DHRS12: variants seen among roughly 807,000 people sequenced by gnomAD.
DHRS12 encodes dehydrogenase/reductase 12, also known as dehydrogenase/reductase SDR family member 12.
Under a neutral mutation model 32.1 loss-of-function variants are expected in DHRS12, and 29 were observed. The observed-to-expected ratio is 0.90, with a 90% CI of 0.67 to 1.23. The LOEUF is 1.23. DHRS12 is among the 50% of genes most tolerant of loss of function. The probability of loss-of-function intolerance (pLI) is 0.00; values close to 1 mark genes in which losing one functional copy is unlikely to be tolerated. For synonymous variants in DHRS12, 150 were observed against 135.9 expected (o/e 1.10, Z -0.72); for missense variants, 330 against 337.2 (o/e 0.98, Z 0.17).
At chr13:51,762,451 C>A in the DHRS12 span, 4 of 152,246 alleles carry the variant, frequency 2.6e-5, no homozygotes, top group Non-Finnish European at 5.9e-5. Context: ...GTATCCATTG[C>A]TCTTTCCTTT....
chr13:51,762,842 T>A, the DHRS12 span: 1 of 152,244 alleles, frequency 6.6e-6, no homozygotes, highest in Non-Finnish European at 1.5e-5. Flanking sequence ...TACGCAGAGT[T>A]GTTCTCTACC....
At chr13:51,771,286 T>TGA in intron 7 of DHRS12, 1 of 1,557,874 alleles carries the variant, frequency 6.4e-7, no homozygotes, top group East Asian at 2.4e-5. Flanking sequence ...AGAGCCCAGG[T>TGA]GAGCTGCCTG....
At chr13:51,764,942 C>G (rs1404052461), downstream of DHRS12, 1 of 152,196 alleles carries the variant, frequency 6.6e-6, no homozygotes, top group Admixed American at 6.5e-5. Context: ...TGTGGCGTTG[C>G]ACGGACAGGC....
chr13:51,772,906 A>C, intron 6 of DHRS12: 2 of 985,492 alleles, frequency 2.0e-6, no homozygotes, highest in Non-Finnish European at 2.4e-6. Flanking sequence ...AAACTGGGGC[A>C]CACCCAGGGC....
rs953459348 is a variant in DHRS12, at chr13:51,782,049, G to A, written c.302-4928C>T. Among the ~76,000 whole-genome samples the A allele has an allele frequency of 2.0e-5, 3 of 152,128 alleles. No individual in the cohort carries two copies. Among genetic ancestry groups the A allele is most frequent in the African/African-American group, 7.2e-5 (3 of 41,426 alleles). On this transcript the variant is annotated intron_variant, in intron 4 of 8. Coordinates refer to ENST00000444610, the MANE Select transcript of DHRS12 (RefSeq NM_001377533.1). This position sits in a 1 kb window ranked among gnomAD's most constrained non-coding sequence, Gnocchi z 4.2. ...GAGTCCAAAGGCACGATCACTGCTT[G>A]GATATGAGAAGTGAGGGGGTGTCAA...
intron 4 of DHRS12, 66 bp downstream of exon 4, chr13:51,789,945 T>C: frequency 6.7e-7 from 1 of 1,483,958 alleles, no homozygotes; most frequent in South Asian, 1.4e-5. Context: ...AATTTTTTTT[T>C]ACCCTTCTAT....
Position 51,768,216 on chromosome 13 carries a change from G to A in DHRS12, c.778C>T (p.Leu260=). The change falls in exon 9 of 9, where the codon CTG becomes TTG. Residue 260 remains leucine (L), a synonymous_variant. Transcript: ENST00000444610. Reference sequence around the variant, plus strand: ...TTAAATGTCTGAGCCAGCTGTTCCAGGATTTCAATGAGTTTCTCCTCTTCG... The same window carrying A: ...TTAAATGTCTGAGCCAGCTGTTCCAAGATTTCAATGAGTTTCTCCTCTTCG... The part of the protein sequence containing the change: ...PAEEEKLIEI[L]EQLAQTFK 1 of 1,536,164 alleles carries A rather than the reference G, an allele frequency of 6.5e-7. No individual in the cohort carries two copies. The highest frequency in any genetic ancestry group is 8.7e-7 in the Non-Finnish European group (1 of 1,146,926).
At chr13:51,781,488 G>A (rs1260626360) in intron 4 of DHRS12, among the ~76,000 whole-genome samples, 2 of 152,270 alleles carry the variant, frequency 1.3e-5, no homozygotes, top group African/African-American at 4.8e-5. Flanking sequence ...ATGTTACTAC[G>A]TGACTAACCT....
At chr13:51,790,696 T>A (rs1398589473) in intron 3 of DHRS12, among the ~76,000 whole-genome samples, 3 of 152,124 alleles carry the variant, frequency 2.0e-5, no homozygotes, top group Non-Finnish European at 4.4e-5. Context: ...GAAAAGCAAC[T>A]TAGCTCCAAG....
chr13:51,783,547 G>A (rs968839814), intron 4 of DHRS12, among the ~76,000 whole-genome samples: 3 of 152,152 alleles, frequency 2.0e-5, no homozygotes, highest in Admixed American at 6.6e-5. Context: ...TGTGACAGAT[G>A]CAGTCATGTA....
chr13:51,799,707 G>A, intron 1 of DHRS12, 40 bp from the exon 2 acceptor site: 2 of 1,606,778 alleles, frequency 1.2e-6, no homozygotes, highest in Non-Finnish European at 1.7e-6. Flanking sequence ...GCTGTAAGGA[G>A]TGGGGAACAC....
intron 2 of DHRS12, among the ~76,000 whole-genome samples, chr13:51,796,688 T>C (rs1479233958): frequency 6.6e-6 from 1 of 152,230 alleles, no homozygotes; most frequent in Non-Finnish European, 1.5e-5. Context: ...TTAGTATTCT[T>C]GTTGCATCCT....
intron 1 of DHRS12, among the ~76,000 whole-genome samples, chr13:51,802,210 CA>C (rs1955792722): frequency 9.8e-6 from 1 of 102,036 alleles, no homozygotes; most frequent in Non-Finnish European, 2.0e-5. Context: ...CACACACACA[CA>C]CACACACGAC....
downstream of DHRS12, chr13:51,767,964 TAAAATA>T: frequency 7.4e-7 from 1 of 1,352,400 alleles, no homozygotes; most frequent in East Asian, 2.8e-5. Flanking sequence ...AAATGAGACT[TAAAATA>T]AGAAAAGAAC....
chr13:51,771,759 C>G lies in DHRS12; in HGVS notation c.559+62G>C, dbSNP rs139858617. On this transcript the variant is annotated intron_variant, in intron 7 of 8. Coordinates refer to ENST00000444610, the MANE Select transcript of DHRS12 (RefSeq NM_001377533.1). ...TCATTCCTGGGGAGAGTCAATCCTG[C>G]GGCTGCTCAGGTATTTTTAGATGAA... The G allele has an allele frequency of 1.1e-3, 1,686 of 1,572,468 alleles. 11 individuals carry two copies. In the African/African-American group the frequency reaches 0.018, roughly 17 times the overall value.
At chr13:51,799,245 G>A (rs112418131) in intron 2 of DHRS12, among the ~76,000 whole-genome samples, 2 of 152,144 alleles carry the variant, frequency 1.3e-5, no homozygotes, top group African/African-American at 4.8e-5. Flanking sequence ...TGGGGATTCT[G>A]ATGTCCAGGG....
At chr13:51,794,490 G>A (rs1253435754) in intron 2 of DHRS12, among the ~76,000 whole-genome samples, 1 of 152,190 alleles carries the variant, frequency 6.6e-6, no homozygotes, top group Non-Finnish European at 1.5e-5. Context: ...AATCCACATT[G>A]GCCTGGAAGA....
intron 4 of DHRS12, among the ~76,000 whole-genome samples, chr13:51,785,132 G>A (rs1441396657): frequency 6.6e-6 from 1 of 152,114 alleles, no homozygotes; most frequent in African/African-American, 2.4e-5. Flanking sequence ...GGAGGCTGAG[G>A]CAGGAGAATT....
chr13:51,767,059 C>T (rs964658870), downstream of DHRS12: 1 of 152,284 alleles, frequency 6.6e-6, no homozygotes, highest in Non-Finnish European at 1.5e-5. Flanking sequence ...GCTTAGTAAA[C>T]TTTTCCAGTG....
Sources: allele counts gnomAD v4.1 joint callset (sites outside exome capture counted in the v4.1 genomes callset), GRCh38; gene constraint gnomAD v4.1.1; non-coding constraint Gnocchi (gnomAD v3.1); transcripts MANE v1.5; gene names NCBI Gene and HGNC (gene_info 2026-07-23, HGNC 2026-07-21).